NRXN3: variants seen among roughly 807,000 people sequenced by gnomAD.
NRXN3 encodes neurexin III.
NRXN3 carries 32 observed loss-of-function variants against 137.6 expected under a neutral mutation model. That is an observed-to-expected ratio of 0.23 (90% CI 0.18 to 0.31). The LOEUF is 0.31. Ranked by LOEUF, NRXN3 falls within the 10% of genes least tolerant of loss-of-function variation. NRXN3 has a pLI of 1.00. For synonymous variants in NRXN3, 798 were observed against 784.5 expected (o/e 1.02, Z -0.29); for missense variants, 1,574 against 2,062.5 (o/e 0.76, Z 4.59).
intron 4 of NRXN3, among the ~76,000 whole-genome samples, chr14:78,635,966 C>T (rs1340959682): frequency 6.6e-6 from 1 of 152,122 alleles, no homozygotes; most frequent in Admixed American, 6.5e-5. Flanking sequence ...ACTCATGTGG[C>T]TCCAGATGTG....
intron 15 of NRXN3, among the ~76,000 whole-genome samples, chr14:79,452,604 A>G (rs993912667): frequency 6.6e-6 from 1 of 152,216 alleles, no homozygotes; most frequent in Non-Finnish European, 1.5e-5. Context: ...GGGATTATGC[A>G]GTCACCTCTC....
At chr14:78,337,092 G>T (rs1458212232) in intron 4 of NRXN3, among the ~76,000 whole-genome samples, 1 of 151,996 alleles carries the variant, frequency 6.6e-6, no homozygotes, top group African/African-American at 2.4e-5. Flanking sequence ...TTCTGAGCAC[G>T]CCTGGTGTCT....
intron 1 of NRXN3, among the ~76,000 whole-genome samples, chr14:78,182,215 G>A (rs862327): frequency 0.27 from 41,293 of 151,858 alleles, 6,377 homozygotes; most frequent in African/African-American, 0.42. Flanking sequence ...TTTCACAATG[G>A]GTCTTGGAGA....
chr14:78,233,839 T>TGA (rs1280712660), intron 1 of NRXN3, among the ~76,000 whole-genome samples: 1 of 152,168 alleles, frequency 6.6e-6, no homozygotes, highest in African/African-American at 2.4e-5. Context: ...TCTGTGACAC[T>TGA]GGAATGAAAT....
intron 15 of NRXN3, among the ~76,000 whole-genome samples, chr14:79,129,574 T>G (rs2057108264): frequency 1.5e-5 from 2 of 137,466 alleles, no homozygotes; most frequent in Admixed American, 7.5e-5. Context: ...CTTTTACATT[T>G]GCTGAGGAGA....
chr14:78,525,139 G>A (rs1358757141), intron 4 of NRXN3, among the ~76,000 whole-genome samples: 2 of 152,164 alleles, frequency 1.3e-5, no homozygotes, highest in Non-Finnish European at 2.9e-5. Context: ...TGGGGTTCTT[G>A]GAATTCTTAG....
At chr14:78,430,362 T>C (rs2024331) in intron 4 of NRXN3, among the ~76,000 whole-genome samples, 1,806 of 152,332 alleles carry the variant, frequency 0.012, 21 homozygotes, top group African/African-American at 0.041. Flanking sequence ...GGAATTAGTA[T>C]TTTTAGAGGC....
intron 4 of NRXN3, among the ~76,000 whole-genome samples, chr14:78,325,596 C>T (rs1464377690): frequency 5.3e-5 from 8 of 151,820 alleles, no homozygotes; most frequent in Admixed American, 4.6e-4. Context: ...CCAGTCTGTA[C>T]CTGATGGAAT....
At chr14:79,197,133 C>A (rs2065244829) in intron 15 of NRXN3, among the ~76,000 whole-genome samples, 1 of 152,076 alleles carries the variant, frequency 6.6e-6, no homozygotes, top group Non-Finnish European at 1.5e-5. Context: ...GTTACTGGAC[C>A]AAATGTCTCT....
chr14:79,719,299 A>ATATG (rs3061481), intron 19 of NRXN3, among the ~76,000 whole-genome samples: 133,391 of 149,678 alleles, frequency 0.89, 59,473 homozygotes, highest in Admixed American at 0.92. Context: ...ATGTATGTGT[A>ATATG]TATGTATGTG....
chr14:78,501,765 T>G (rs889223873), intron 4 of NRXN3, among the ~76,000 whole-genome samples: 1 of 152,094 alleles, frequency 6.6e-6, no homozygotes, highest in African/African-American at 2.4e-5. Flanking sequence ...CCTTTTTATA[T>G]TTTCTGTGGT....
intron 4 of NRXN3, among the ~76,000 whole-genome samples, chr14:78,460,721 AG>A (rs1341217951): frequency 6.6e-6 from 1 of 152,232 alleles, no homozygotes; most frequent in Non-Finnish European, 1.5e-5. Flanking sequence ...TTCATGGATT[AG>A]GTCTGAGATT....
chr14:79,478,282 G>C (rs1054643916), intron 16 of NRXN3, among the ~76,000 whole-genome samples: 1 of 151,432 alleles, frequency 6.6e-6, no homozygotes, highest in Non-Finnish European at 1.5e-5. Flanking sequence ...AAGGCTAGAG[G>C]GTAGGGGATA....
At chr14:79,261,817 G>A (rs2077642968) in intron 15 of NRXN3, among the ~76,000 whole-genome samples, 1 of 152,132 alleles carries the variant, frequency 6.6e-6, no homozygotes, top group Non-Finnish European at 1.5e-5. Flanking sequence ...TAGAAGAAGT[G>A]AGGATGGGAG....
At chr14:78,613,271 AT>A (rs1433032493) in intron 4 of NRXN3, among the ~76,000 whole-genome samples, 1 of 152,190 alleles carries the variant, frequency 6.6e-6, no homozygotes, top group East Asian at 1.9e-4. Context: ...TAGTAGTTAT[AT>A]TTTATTCTTA....
chr14:79,409,723 G>T (rs537206321), intron 15 of NRXN3, among the ~76,000 whole-genome samples: 1 of 150,120 alleles, frequency 6.7e-6, no homozygotes, highest in South Asian at 2.1e-4. Context: ...AATTCTGTGA[G>T]CTGAGACATA....
intron 15 of NRXN3, among the ~76,000 whole-genome samples, chr14:79,414,456 A>G (rs995362552): frequency 6.6e-6 from 1 of 152,104 alleles, no homozygotes; most frequent in Non-Finnish European, 1.5e-5. Context: ...ATAATTTCAA[A>G]TTTTGAATTC....
chr14:78,230,884 C>A (rs955231676), intron 1 of NRXN3, among the ~76,000 whole-genome samples: 1 of 152,170 alleles, frequency 6.6e-6, no homozygotes, highest in East Asian at 1.9e-4. Context: ...GGAGTGATGA[C>A]TTCCATTTTA....
At chr14:78,868,601 C>T (rs968923433) in intron 10 of NRXN3, among the ~76,000 whole-genome samples, 1 of 151,932 alleles carries the variant, frequency 6.6e-6, no homozygotes, top group African/African-American at 2.4e-5. Flanking sequence ...GGGTGGATCA[C>T]CTGAGGTCAG....
Sources: gnomAD v4.1 joint callset for allele counts (sites outside exome capture counted in the v4.1 genomes callset) on GRCh38, gnomAD v4.1.1 for gene constraint, MANE v1.5 for transcripts, NCBI Gene and HGNC (gene_info 2026-07-23, HGNC 2026-07-21) for gene names.